SRRM2: variants seen among roughly 807,000 people sequenced by gnomAD.
The protein encoded by SRRM2 is serine/arginine repetitive matrix protein 2.
Under a neutral mutation model 213.8 loss-of-function variants are expected in SRRM2, and 30 were observed. The ratio of observed to expected loss-of-function variants is 0.14; its 90% confidence interval spans 0.10 to 0.19. The LOEUF (loss-of-function observed/expected upper bound fraction) is 0.19. Among genes scored for constraint, SRRM2 ranks in the 10% least tolerant of loss-of-function variants. The pLI is 1.00. For missense variants in SRRM2, 4,904 were observed against 3,647.0 expected, an observed-to-expected ratio of 1.34 and a Z score of -8.88; for synonymous variants, 2,025 against 1,377.7, an observed-to-expected ratio of 1.47 and a Z score of -10.40.
At position 2,766,799 on chromosome 16, in the gene SRRM2, GCTA is replaced by G. The variant is rs1567241217; in HGVS notation, c.6274_6276del (p.Thr2092del). The G allele has an allele frequency of 6.2e-7, 1 of 1,614,152 alleles. No homozygotes were observed. The highest frequency in any genetic ancestry group is 8.5e-7 in the Non-Finnish European group (1 of 1,180,034). ...AAGTAGTTCTGATCGTTCACGATCT[GCTA>G]CTCCTCCAGCAACAAGAAATCATTC... On this transcript the variant is annotated inframe_deletion, in exon 11 of 15. Transcript: ENST00000301740. The surrounding 1 kb of genome is among the most constrained non-coding windows in gnomAD (Gnocchi z 7.0).
chr16:2,762,756 C>G lies in SRRM2; in HGVS notation c.2228C>G (p.Ser743Cys), dbSNP rs746448882. Residue 743 changes from serine (S) to cysteine (C), a missense_variant, in exon 11 of 15, where the codon TCC becomes TGC. Ser to Cys is a moderately radical substitution (Grantham distance 112). Transcript: ENST00000301740. Reference protein sequence around the residue: ...KSRTSQRRSRSNSSPEMKKSR... With the variant: ...KSRTSQRRSRCNSSPEMKKSR... Reference sequence around the variant, plus strand: ...AGAACATCTCAAAGAAGAAGCAGGTCCAATTCAAGCCCAGAAATGAAGAAA... The same window carrying G: ...AGAACATCTCAAAGAAGAAGCAGGTGCAATTCAAGCCCAGAAATGAAGAAA... The G allele has an allele frequency of 1.2e-6, 2 of 1,614,174 alleles. No homozygotes were observed. The highest frequency in any genetic ancestry group is 1.7e-6 in the Non-Finnish European group (2 of 1,180,036).
In SRRM2 at chr16:2,765,176, A is replaced by G. The variant is rs777347658; in HGVS notation, c.4648A>G (p.Ser1550Gly). 3 of 1,614,190 alleles carry G rather than the reference A, an allele frequency of 1.9e-6. No individual in the cohort carries two copies. The highest frequency in any genetic ancestry group is 2.2e-5 in the South Asian group (2 of 91,086). Reference protein sequence around the residue: ...GSSQELDVKPSASPQERSESD... With the variant: ...GSSQELDVKPGASPQERSESD... ...CTCTCAAGAACTTGATGTGAAACCC[A>G]GTGCATCCCCTCAGGAAAGAAGTGA... Residue 1550 changes from serine to glycine, a missense_variant, in exon 11 of 15, where the codon AGT (serine) becomes GGT (glycine). Physicochemically the swap from Ser to Gly is moderately conservative, Grantham distance 56. Transcript: ENST00000301740.
rs748082504 is a variant in SRRM2 at position 2,765,936 on chromosome 16, G to T, written c.5408G>T (p.Arg1803Leu). The T allele has an allele frequency of 1.9e-6, 3 of 1,614,078 alleles. No homozygotes were observed. The highest frequency in any genetic ancestry group is 1.7e-5 in the Admixed American group (1 of 59,998). Reference protein sequence around the residue: ...SSQSTSRRRQRSRSRSRVTRR... With the variant: ...SSQSTSRRRQLSRSRSRVTRR... ...CAGTCAACCTCTCGGCGAAGACAGCGGAGCCGGTCAAGGTCGCGGGTTACT... is the reference window on the plus strand; with the variant it reads ...CAGTCAACCTCTCGGCGAAGACAGCTGAGCCGGTCAAGGTCGCGGGTTACT... The change falls in exon 11 of 15, where the codon CGG (arginine) becomes CTG (leucine). Residue 1803 changes from arginine (R) to leucine (L), a missense_variant. Physicochemically the swap from Arg to Leu is moderately radical, Grantham distance 102 (BLOSUM62 -2). Coordinates refer to ENST00000301740, the MANE Select transcript of SRRM2 (RefSeq NM_016333.4).
rs1191030737 is a variant in SRRM2, at chr16:2,762,868, A to G, written c.2340A>G (p.Ser780=). 7 of 1,614,064 alleles carry G rather than the reference A, an allele frequency of 4.3e-6. No homozygotes were observed. The highest frequency in any genetic ancestry group is 1.1e-5 in the South Asian group (1 of 91,078). The change falls in exon 11 of 15, where the codon TCA becomes TCG. Residue 780 remains serine, a synonymous_variant. Coordinates refer to ENST00000301740, the MANE Select transcript of SRRM2 (RefSeq NM_016333.4). ...GCTTGTCTTTGAGGCGCAGCCTTTC[A>G]GGGTCTTCCCCATGCCCTAAACAAA... ...KSRLSLRRSL[S]GSSPCPKQKS... is the part of the protein sequence containing the mutation.
rs143202462 is a variant in SRRM2, at chr16:2,763,329, C to T, written c.2801C>T (p.Ser934Phe). Reference protein sequence around the residue: ...SPRQRSHSGSSSPSPSRVTSR... With the variant: ...SPRQRSHSGSFSPSPSRVTSR... ...AGACAAAGAAGCCATTCTGGCTCCT[C>T]TTCTCCAAGTCCTAGTAGGGTGACG... is the stretch of plus-strand genomic sequence containing the variant. Residue 934 changes from serine (S) to phenylalanine (F), a missense_variant, in exon 11 of 15, where the codon TCT becomes TTT. By Grantham distance (155) the Ser-to-Phe change is radical. Coordinates refer to ENST00000301740, the MANE Select transcript of SRRM2 (RefSeq NM_016333.4). The T allele has an allele frequency of 7.9e-5, 128 of 1,614,218 alleles. No individual in the cohort carries two copies. In the African/African-American group the frequency reaches 1.5e-3, roughly 19 times the overall value.
chr16:2,771,369 C>T lies in SRRM2; in HGVS notation c.*502C>T. On this transcript the variant is annotated 3_prime_UTR_variant, in exon 15 of 15. Coordinates refer to ENST00000301740, the MANE Select transcript of SRRM2 (RefSeq NM_016333.4). ...TTTTGGTTTTTTAAAATCTGTACAG[C>T]AAGAGCAACTTTTTCTGTCAAATAA... is the stretch of plus-strand genomic sequence containing the variant. The T allele has an allele frequency of 1.3e-6, 2 of 1,598,440 alleles. No homozygotes were observed. The highest frequency in any genetic ancestry group is 2.2e-5 in the East Asian group (1 of 44,820).
Position 2,764,890 on chromosome 16 carries a change from C to A in SRRM2, c.4362C>A (p.Pro1454=). The A allele has an allele frequency of 6.2e-7, 1 of 1,614,166 alleles. No homozygotes were observed. Among genetic ancestry groups the A allele is most frequent in the Non-Finnish European group, 8.5e-7 (1 of 1,180,016 alleles). The stretch of plus-strand genomic sequence containing the variant: ...GACTTAGAGATGGGTCTGGGACTCC[C>A]TCGAGGCACAGCCTGTCTGGGTCCT... The part of the protein sequence containing the change: ...SPGLRDGSGT[P]SRHSLSGSSP... The change falls in exon 11 of 15, where the codon CCC becomes CCA. Residue 1454 remains proline, a synonymous_variant. Transcript: ENST00000301740.
chr16:2,756,431 C>G lies in SRRM2; in HGVS notation c.67C>G (p.Leu23Val). 6.2e-7 allele frequency: 1 copy of G among 1,612,140 alleles called. No homozygotes were observed. The highest frequency in any genetic ancestry group is 8.5e-7 in the Non-Finnish European group (1 of 1,179,294). ...CACCAACGGCTACGTCCAGCGCAACCTGTCCCTGGTGCGGGGCCGCCGGGG... is the reference window on the plus strand; with the variant it reads ...CACCAACGGCTACGTCCAGCGCAACGTGTCCCTGGTGCGGGGCCGCCGGGG... ...SGTNGYVQRN[L>V]SLVRGRRGER... The change falls in exon 2 of 15, where the codon CTG becomes GTG. Residue 23 changes from leucine (L) to valine (V), a missense_variant. Coordinates refer to ENST00000301740, the MANE Select transcript of SRRM2 (RefSeq NM_016333.4).
intron 4 of SRRM2, among the ~76,000 whole-genome samples, 198 bp from the exon 5 acceptor site, chr16:2,758,272 G>C (rs562179376): frequency 6.6e-6 from 1 of 152,218 alleles, no homozygotes; most frequent in African/African-American, 2.4e-5. Flanking sequence ...GAGAGGTGGA[G>C]GCAGGAGGGT....
In SRRM2 at chr16:2,762,351, C is replaced by T. The variant is rs776597225; in HGVS notation, c.1823C>T (p.Thr608Ile). 5 of 1,613,880 alleles carry T rather than the reference C, an allele frequency of 3.1e-6. No individual in the cohort carries two copies. Among genetic ancestry groups the T allele is most frequent in the Non-Finnish European group, 4.2e-6 (5 of 1,179,896 alleles). Residue 608 changes from threonine (T) to isoleucine (I), a missense_variant, in exon 11 of 15, where the codon ACA becomes ATA. Physicochemically the swap from Thr to Ile is moderately conservative, Grantham distance 89 (BLOSUM62 -1). Coordinates refer to ENST00000301740, the MANE Select transcript of SRRM2 (RefSeq NM_016333.4). The stretch of plus-strand genomic sequence containing the variant: ...ACCAGGCGTAGGTCTCGGTCTAGAA[C>T]ACCAGCCCGGAGGGGCAGGTCTCGG... ...TPTRRRSRSR[T>I]PARRGRSRSR...
chr16:2,770,636 A>G lies in SRRM2; in HGVS notation c.8168A>G (p.Gln2723Arg). The stretch of plus-strand genomic sequence containing the variant: ...AGTGAGCGGGGTTCCCGGAGAGGCC[A>G]GCGTGGGGACAGCCGCTCCCCCAGC... ...SSSERGSRRG[Q>R]RGDSRSPSHK... is the part of the protein sequence containing the mutation. Residue 2723 changes from glutamine (Q) to arginine (R), a missense_variant, in exon 14 of 15, where the codon CAG (glutamine) becomes CGG (arginine). Gln to Arg is a conservative substitution (Grantham distance 43). Transcript: ENST00000301740. 1 of 1,552,590 alleles carries G rather than the reference A, an allele frequency of 6.4e-7. No homozygotes were observed. The highest frequency in any genetic ancestry group is 1.2e-5 in the South Asian group (1 of 84,298).
intron 2 of SRRM2, 42 bp downstream of exon 2, chr16:2,756,648 A>G: frequency 6.3e-7 from 1 of 1,576,890 alleles, no homozygotes; most frequent in Non-Finnish European, 8.6e-7. Context: ...GAATGAGTGC[A>G]GAGCTGGGGG....
Position 2,770,841 on chromosome 16 carries a change from C to T in SRRM2, c.8250-17C>T, listed in dbSNP as rs1274652869. On this transcript the variant is annotated splice_polypyrimidine_tract_variant and intron_variant, in intron 14 of 14. Coordinates refer to ENST00000301740, the MANE Select transcript of SRRM2 (RefSeq NM_016333.4). ...CTGGGGTGGGAACTCCCTGTTGACC[C>T]ATATCTTCTCTTGCAGGTCTCCATA... 21 of 1,613,934 alleles carry T rather than the reference C, an allele frequency of 1.3e-5. No homozygotes were observed. Among genetic ancestry groups the T allele is most frequent in the East Asian group, 2.2e-5 (1 of 44,890 alleles).
At position 2,766,589 on chromosome 16, in the gene SRRM2, C is replaced by T. The variant is rs200267866; in HGVS notation, c.6061C>T (p.Arg2021Trp). 18 of 1,613,960 alleles carry T rather than the reference C, an allele frequency of 1.1e-5. No individual in the cohort carries two copies. The highest frequency in any genetic ancestry group is 6.7e-5 in the African/African-American group (5 of 75,008). The change falls in exon 11 of 15, where the codon CGG (arginine) becomes TGG (tryptophan). Residue 2021 changes from arginine (R) to tryptophan (W), a missense_variant. Arg to Trp is a moderately radical substitution (Grantham distance 101). Transcript: ENST00000301740. This position sits in a 1 kb window ranked among gnomAD's most constrained non-coding sequence, Gnocchi z 7.0. ...SPVTRRRSRS[R>W]TPPAIRRRSR... is the part of the protein sequence containing the mutation. ...AGTGACACGCCGCCGCTCTAGGTCC[C>T]GGACACCTCCAGCTATTCGGCGCCG...
Position 2,766,650 on chromosome 16 carries a change from G to C in SRRM2, c.6122G>C (p.Arg2041Pro). 3 of 1,613,934 alleles carry C rather than the reference G, an allele frequency of 1.9e-6. No homozygotes were observed. Among genetic ancestry groups the C allele is most frequent in the Non-Finnish European group, 2.5e-6 (3 of 1,179,930 alleles). The stretch of plus-strand genomic sequence containing the variant: ...CGAACGCCACTGTTACCACGCAAAC[G>C]TTCTCGAAGTCGCTCACCACTTGCT... ...RSRTPLLPRK[R>P]SRSRSPLAIR... The change falls in exon 11 of 15, where the codon CGT becomes CCT. Residue 2041 changes from arginine to proline, a missense_variant. Transcript: ENST00000301740. This position sits in a 1 kb window ranked among gnomAD's most constrained non-coding sequence, Gnocchi z 7.0.
In SRRM2 at chr16:2,770,844, A is replaced by T. The variant is rs1225586579; in HGVS notation, c.8250-14A>T. On this transcript the variant is annotated splice_polypyrimidine_tract_variant and intron_variant, in intron 14 of 14. Coordinates refer to ENST00000301740, the MANE Select transcript of SRRM2 (RefSeq NM_016333.4). Reference sequence around the variant, plus strand: ...GGGTGGGAACTCCCTGTTGACCCATATCTTCTCTTGCAGGTCTCCATAAAT... The same window carrying T: ...GGGTGGGAACTCCCTGTTGACCCATTTCTTCTCTTGCAGGTCTCCATAAAT... The T allele has an allele frequency of 1.9e-6, 3 of 1,613,960 alleles. No individual in the cohort carries two copies. The Admixed American group carries it at 5.0e-5, about 27-fold the overall frequency.
chr16:2,770,450 C>T lies in SRRM2; in HGVS notation c.8120C>T (p.Pro2707Leu), dbSNP rs1248098919. Reference protein sequence around the residue: ...ERRRPSPQPSPRDQQSSSSER... With the variant: ...ERRRPSPQPSLRDQQSSSSER... ...CGCCGTCCCTCGCCCCAGCCCTCACCACGGGACCAGCAGAGGTAAGGCCAA... is the reference window on the plus strand; with the variant it reads ...CGCCGTCCCTCGCCCCAGCCCTCACTACGGGACCAGCAGAGGTAAGGCCAA... Residue 2707 changes from proline (P) to leucine (L), a missense_variant, in exon 13 of 15, where the codon CCA becomes CTA. By Grantham distance (98) the Pro-to-Leu change is moderately conservative (BLOSUM62 -3). Coordinates refer to ENST00000301740, the MANE Select transcript of SRRM2 (RefSeq NM_016333.4). 6.2e-7 allele frequency: 1 copy of T among 1,608,162 alleles called. No homozygotes were observed. The highest frequency in any genetic ancestry group is 8.5e-7 in the Non-Finnish European group (1 of 1,177,482).
In SRRM2 at chr16:2,767,176, T is replaced by A; in HGVS notation, c.6648T>A (p.Pro2216=). 2 of 1,614,100 alleles carry A rather than the reference T, an allele frequency of 1.2e-6. No individual in the cohort carries two copies. The highest frequency in any genetic ancestry group is 1.1e-5 in the South Asian group (1 of 91,076). Reference sequence around the variant, plus strand: ...TGTCCCAGGTTCCAGCCCCGGTGCCTCTCATGAGTCTCAGAACCGCACCAG... The same window carrying A: ...TGTCCCAGGTTCCAGCCCCGGTGCCACTCATGAGTCTCAGAACCGCACCAG... ...ARMSQVPAPV[P]LMSLRTAPAA... is the part of the protein sequence containing the mutation. Residue 2216 remains proline (P), a synonymous_variant, in exon 11 of 15, where the codon CCT becomes CCA. Transcript: ENST00000301740.
chr16:2,754,752 C>T (rs1023072644), intron 1 of SRRM2, among the ~76,000 whole-genome samples: 2 of 152,124 alleles, frequency 1.3e-5, no homozygotes, highest in Non-Finnish European at 2.9e-5. Flanking sequence ...TAGTTTTAAA[C>T]CGTGAGGAGG....
Sources: allele counts gnomAD v4.1 joint callset (sites outside exome capture counted in the v4.1 genomes callset), GRCh38; gene constraint gnomAD v4.1.1; non-coding constraint Gnocchi (gnomAD v3.1); transcripts MANE v1.5; gene names NCBI Gene and HGNC (gene_info 2026-07-23, HGNC 2026-07-21).